Variants in TIPRL observed in about 807,000 individuals in gnomAD.
TIPRL encodes the protein TOR signaling pathway regulator.
In TIPRL, 10 loss-of-function variants were observed where a neutral mutation model predicts 32.3. The ratio of observed to expected loss-of-function variants is 0.31; its 90% confidence interval spans 0.19 to 0.52. The LOEUF (loss-of-function observed/expected upper bound fraction) is 0.52, where lower values mean the gene tolerates loss of function less well. TIPRL is among the 20% of genes least tolerant of loss of function. The probability of loss-of-function intolerance (pLI) is 0.96; values close to 1 mark genes in which losing one functional copy is unlikely to be tolerated. For missense variants in TIPRL, 250 were observed against 328.1 expected, an observed-to-expected ratio of 0.76 and a Z score of 1.84; for synonymous variants, 100 against 114.0, an observed-to-expected ratio of 0.88 and a Z score of 0.78.
At position 168,179,012 on chromosome 1, in the gene TIPRL, A is replaced by C; in HGVS notation, c.-66A>C. The stretch of plus-strand genomic sequence containing the variant: ...GGCTGGGCCGGAGGGAGGCGGAGGA[A>C]CCGGTGTTCGCCGCCGCCGCTGCTT... On this transcript the variant is annotated 5_prime_UTR_variant, in exon 1 of 7. Transcript: ENST00000367833. The C allele has an allele frequency of 7.1e-7, 1 of 1,409,466 alleles. No homozygotes were observed. The highest frequency in any genetic ancestry group is 9.8e-7 in the Non-Finnish European group (1 of 1,017,036). 87.3% of individuals were successfully genotyped at this position (1,409,466 alleles called of 1,614,324 possible).
At chr1:168,182,709 T>C (rs1699983206) in intron 1 of TIPRL, among the ~76,000 whole-genome samples, 1 of 152,228 alleles carries the variant, frequency 6.6e-6, no homozygotes, top group African/African-American at 2.4e-5. Context: ...TAACAGTGAT[T>C]CTTTTACATA....
rs374258481 is a variant in TIPRL, at chr1:168,179,170, G to A, written c.93G>A (p.Ala31=). 2 of 1,614,024 alleles carry A rather than the reference G, an allele frequency of 1.2e-6. No homozygotes were observed. The highest frequency in any genetic ancestry group is 1.7e-5 in the Admixed American group (1 of 60,016). ...CCAAGACCCACATCATGAAGTCGGC[G>A]GATGTGGAGAAGTGAGGCTTCGGGG... ...TASKTHIMKS[A]DVEKLADELH... is the part of the protein sequence containing the mutation. The change falls in exon 1 of 7, where the codon GCG becomes GCA. Residue 31 remains alanine (A), a synonymous_variant. Coordinates refer to ENST00000367833, the MANE Select transcript of TIPRL (RefSeq NM_152902.5).
chr1:168,189,919 A>G (rs1222720268), intron 3 of TIPRL, among the ~76,000 whole-genome samples: 1 of 152,250 alleles, frequency 6.6e-6, no homozygotes, highest in African/African-American at 2.4e-5. Flanking sequence ...CTGAAGGCAT[A>G]TGTGAAACAT....
At chr1:168,192,199 A>G in intron 4 of TIPRL, 1 of 1,486,230 alleles carries the variant, frequency 6.7e-7, no homozygotes, top group Non-Finnish European at 9.0e-7. Context: ...CTACCACTTC[A>G]ATTTTCAGCC....
chr1:168,179,147 A>G lies in TIPRL; in HGVS notation c.70A>G (p.Lys24Glu). Residue 24 changes from lysine (K) to glutamate (E), a missense_variant, in exon 1 of 7, where the codon AAG becomes GAG. Transcript: ENST00000367833. ...CFGPWKLTAS[K>E]THIMKSADVE... The stretch of plus-strand genomic sequence containing the variant: ...CGGGCCCTGGAAGCTGACGGCGTCC[A>G]AGACCCACATCATGAAGTCGGCGGA... 4 of 1,614,030 alleles carry G rather than the reference A, an allele frequency of 2.5e-6. No homozygotes were observed. Among genetic ancestry groups the G allele is most frequent in the Non-Finnish European group, 2.5e-6 (3 of 1,179,956 alleles).
Position 168,201,592 on chromosome 1 carries a change from T to G in TIPRL, c.*1546T>G, listed in dbSNP as rs533609494. ...ATATTAAATATACCTGTATTTAATG[T>G]TTTCTCTTAGGACAGAAAAGTAGAC... On this transcript the variant is annotated 3_prime_UTR_variant, in exon 7 of 7. Coordinates refer to ENST00000367833, the MANE Select transcript of TIPRL (RefSeq NM_152902.5). The G allele has an allele frequency of 6.9e-6, 1 of 144,796 alleles. No individual in the cohort carries two copies. The highest frequency in any genetic ancestry group is 2.6e-5 in the African/African-American group (1 of 37,756). 9.0% of individuals were successfully genotyped at this position (144,796 alleles called of 1,614,324 possible). A position where few individuals can be genotyped will look rare whatever the true frequency, so the allele number is the denominator to read the frequency against.
At chr1:168,179,395 A>G (rs1043352678) in intron 1 of TIPRL, among the ~76,000 whole-genome samples, 8 of 152,132 alleles carry the variant, frequency 5.3e-5, no homozygotes, top group East Asian at 1.9e-4. Flanking sequence ...TCAACTGTCA[A>G]TCCGCCTGGG....
chr1:168,197,779 G>A (rs989660441), intron 5 of TIPRL, among the ~76,000 whole-genome samples: 2 of 151,986 alleles, frequency 1.3e-5, no homozygotes, highest in African/African-American at 2.4e-5. Context: ...CAATTGCCTC[G>A]GCCTCCCAAA....
intron 3 of TIPRL, among the ~76,000 whole-genome samples, chr1:168,185,533 G>A (rs1700014978): frequency 6.6e-6 from 1 of 151,914 alleles, no homozygotes; most frequent in Admixed American, 6.6e-5. Context: ...AGCACTTTGA[G>A]AGGCCGAGGC....
intron 1 of TIPRL, among the ~76,000 whole-genome samples, chr1:168,183,040 A>G (rs1158707245): frequency 6.6e-6 from 1 of 152,230 alleles, no homozygotes; most frequent in Non-Finnish European, 1.5e-5. Flanking sequence ...ATATGTGCAC[A>G]CAGAAATACA....
chr1:168,181,032 G>A (rs1244912085), intron 1 of TIPRL, among the ~76,000 whole-genome samples: 1 of 151,522 alleles, frequency 6.6e-6, no homozygotes, highest in East Asian at 1.9e-4. Context: ...GCCCAGGCTG[G>A]AGTGCAGTGG....
intron 3 of TIPRL, among the ~76,000 whole-genome samples, chr1:168,189,334 A>G (rs1700064823): frequency 6.6e-6 from 1 of 152,110 alleles, no homozygotes; most frequent in Admixed American, 6.6e-5. Flanking sequence ...TATTCTGCCA[A>G]TACTGTTCCA....
At position 168,189,669 on chromosome 1, in the gene TIPRL, A is replaced by AT. The variant is rs1370990473; in HGVS notation, c.385-1690dup. Among the ~76,000 whole-genome samples, 14 of 150,764 alleles carry AT rather than the reference A, an allele frequency of 9.3e-5. No homozygotes were observed. In the South Asian group the frequency reaches 1.7e-3, roughly 18 times the overall value. The stretch of plus-strand genomic sequence containing the variant: ...CCATATGTTTTATATTTAGCTGGTT[A>AT]TTTTTTTTTTGTTGTATTTTTTAGA... On this transcript the variant is annotated intron_variant, in intron 3 of 6. Coordinates refer to ENST00000367833, the MANE Select transcript of TIPRL (RefSeq NM_152902.5).
Position 168,200,090 on chromosome 1 carries a change from C to T in TIPRL, c.*44C>T. The T allele has an allele frequency of 6.3e-7, 1 of 1,588,370 alleles. No individual in the cohort carries two copies. Among genetic ancestry groups the T allele is most frequent in the African/African-American group, 1.4e-5 (1 of 73,906 alleles). ...CTCACTATGGAATCTGACTGGACAC[C>T]TTGGCTATTTGTAAGGGGTTATTTT... On this transcript the variant is annotated 3_prime_UTR_variant, in exon 7 of 7. Transcript: ENST00000367833.
intron 4 of TIPRL, 118 bp downstream of exon 4, chr1:168,191,618 TC>T (rs1572434433): frequency 2.5e-6 from 2 of 812,204 alleles, no homozygotes; most frequent in East Asian, 7.8e-5. Flanking sequence ...ACGCCTGTAA[TC>T]CCAGCACTTT....
rs71981720 is a variant in TIPRL at position 168,201,770 on chromosome 1, C to CGTGTGTGTGTGT, written c.*1749_*1760dup. 16 of 143,066 alleles carry CGTGTGTGTGTGT rather than the reference C, an allele frequency of 1.1e-4. No homozygotes were observed. The highest frequency in any genetic ancestry group is 9.4e-4 in the South Asian group (4 of 4,270). The allele number at this position is 143,066 out of a possible 1,614,324, so 8.9% of individuals were successfully genotyped here. A position where few individuals can be genotyped will look rare whatever the true frequency, so the allele number is the denominator to read the frequency against. ...ATTAATTGGAGCTTCTGGGCAACAT[C>CGTGTGTGTGTGT]GTGTGTGTGTGTGTGTGTGTGTGTG... On this transcript the variant is annotated 3_prime_UTR_variant, in exon 7 of 7. Transcript: ENST00000367833.
At chr1:168,196,223 A>G (rs1038156090) in intron 4 of TIPRL, among the ~76,000 whole-genome samples, 19 of 152,188 alleles carry the variant, frequency 1.2e-4, no homozygotes, top group African/African-American at 4.6e-4. Flanking sequence ...GACATTTACT[A>G]TCAGTACCTG....
chr1:168,180,820 C>CTTTTTTTTTTTTTTTTTT (rs71118909), intron 1 of TIPRL, among the ~76,000 whole-genome samples: 1 of 124,166 alleles, frequency 8.1e-6, no homozygotes, highest in Non-Finnish European at 1.7e-5. Flanking sequence ...TTTTTTATAA[C>CTTTTTTTTTTTTTTTTTT]TTTTTTTTTT....
intron 1 of TIPRL, among the ~76,000 whole-genome samples, chr1:168,181,308 G>A (rs1699959433): frequency 6.6e-6 from 1 of 151,734 alleles, no homozygotes; most frequent in Non-Finnish European, 1.5e-5. Context: ...CACCTCCTGG[G>A]TTCAAGCGAT....
Sources: allele counts gnomAD v4.1 joint callset (sites outside exome capture counted in the v4.1 genomes callset), GRCh38; gene constraint gnomAD v4.1.1; transcripts MANE v1.5; gene names NCBI Gene and HGNC (gene_info 2026-07-23, HGNC 2026-07-21).